Variants in DPYD observed in about 807,000 individuals in gnomAD.
DPYD encodes the protein dihydropyrimidine dehydrogenase, also known as dihydropyrimidine dehydrogenase [NADP(+)].
Under a neutral mutation model 116.2 loss-of-function variants are expected in DPYD, and 109 were observed. The observed-to-expected ratio is 0.94, with a 90% CI of 0.80 to 1.10. The LOEUF (loss-of-function observed/expected upper bound fraction) is 1.10, where lower values mean the gene tolerates loss of function less well. Among genes scored for constraint, DPYD ranks in the 50% least tolerant of loss-of-function variants. The pLI is 0.00. For missense variants in DPYD, 1,302 were observed against 1,254.5 expected (o/e 1.04, Z -0.57); for synonymous variants, 440 against 432.0 (o/e 1.02, Z -0.23).
intron 18 of DPYD, among the ~76,000 whole-genome samples, chr1:97,241,219 A>G (rs1489581452): frequency 6.6e-6 from 1 of 151,892 alleles, no homozygotes; most frequent in Non-Finnish European, 1.5e-5. Flanking sequence ...TCAGGCATTT[A>G]TTTTTACCAA....
intron 3 of DPYD, among the ~76,000 whole-genome samples, chr1:97,754,900 T>C (rs1482982366): frequency 6.6e-6 from 1 of 152,238 alleles, no homozygotes; most frequent in Non-Finnish European, 1.5e-5. Flanking sequence ...ACAATGACGG[T>C]TCAATGTTCA....
chr1:97,608,700 A>G (rs1238120722), intron 8 of DPYD, among the ~76,000 whole-genome samples: 2 of 151,508 alleles, frequency 1.3e-5, no homozygotes, highest in East Asian at 1.9e-4. Flanking sequence ...TAATAATGAA[A>G]ATTATTTTCA....
chr1:97,741,078 C>T (rs1225978041), intron 3 of DPYD, among the ~76,000 whole-genome samples: 2 of 152,056 alleles, frequency 1.3e-5, no homozygotes, highest in Non-Finnish European at 2.9e-5. Flanking sequence ...AGCTTTATTC[C>T]CACAGCTGCC....
chr1:97,913,677 G>A (rs1054985893), intron 1 of DPYD, among the ~76,000 whole-genome samples: 26 of 152,222 alleles, frequency 1.7e-4, no homozygotes, highest in African/African-American at 5.8e-4. Context: ...TTTCATGTCA[G>A]TCTTAAAGAA....
chr1:97,604,332 A>T (rs1000396529), intron 8 of DPYD, among the ~76,000 whole-genome samples: 2 of 152,142 alleles, frequency 1.3e-5, no homozygotes, highest in Non-Finnish European at 1.5e-5. Flanking sequence ...TGTTATGTGG[A>T]CAAGTAAGCA....
chr1:97,796,035 T>C (rs1667552203), intron 3 of DPYD, among the ~76,000 whole-genome samples: 1 of 151,980 alleles, frequency 6.6e-6, no homozygotes, highest in Non-Finnish European at 1.5e-5. Flanking sequence ...CAGCTGAAAA[T>C]TCATTTGTAC....
chr1:97,258,409 T>TC (rs1663654845), intron 18 of DPYD, among the ~76,000 whole-genome samples: 1 of 152,174 alleles, frequency 6.6e-6, no homozygotes, highest in African/African-American at 2.4e-5. Flanking sequence ...CTTAGGCTGC[T>TC]CCCGCCTTCC....
In DPYD at chr1:97,098,480, A is replaced by G. The variant is rs761573540; in HGVS notation, c.2766+9T>C. 3.7e-6 allele frequency: 6 copies of G among 1,612,212 alleles called. No individual in the cohort carries two copies. The highest frequency in any genetic ancestry group is 4.2e-6 in the Non-Finnish European group (5 of 1,178,882). ...GTAGGCATACTTATATAGTTGGCAT[A>G]ATTTTTACCTTGATGGTAGGAATAG... On this transcript the variant is annotated intron_variant, in intron 21 of 22. Coordinates refer to ENST00000370192, the MANE Select transcript of DPYD (RefSeq NM_000110.4).
chr1:97,130,923 TTCTC>T (rs962026378), intron 20 of DPYD, among the ~76,000 whole-genome samples: 7 of 132,532 alleles, frequency 5.3e-5, no homozygotes, highest in East Asian at 2.7e-4. Context: ...CCCTCCCTCT[TTCTC>T]TCTCTCTATC....
rs558191004 is a variant in DPYD at position 97,614,414 on chromosome 1, T to C, written c.851-19248A>G. Reference sequence around the variant, plus strand: ...TGTGAATGATATTTATAAGACTGAGTTGATTTCCCCCACAAGTTTGACAGG... The same window carrying C: ...TGTGAATGATATTTATAAGACTGAGCTGATTTCCCCCACAAGTTTGACAGG... On this transcript the variant is annotated intron_variant, in intron 8 of 22. Coordinates refer to ENST00000370192, the MANE Select transcript of DPYD (RefSeq NM_000110.4). 2.4e-4 allele frequency among the ~76,000 whole-genome samples: 36 copies of C among 152,172 alleles called. No individual in the cohort carries two copies. In the South Asian group the frequency reaches 7.3e-3, roughly 31 times the overall value.
intron 8 of DPYD, among the ~76,000 whole-genome samples, chr1:97,601,044 T>C (rs2102277256): frequency 6.6e-6 from 1 of 152,228 alleles, no homozygotes; most frequent in East Asian, 1.9e-4. Context: ...GTCATTCAAA[T>C]TGGAGCATTA....
At chr1:97,443,616 T>C (rs1206653165) in intron 14 of DPYD, among the ~76,000 whole-genome samples, 1 of 152,172 alleles carries the variant, frequency 6.6e-6, no homozygotes, top group African/African-American at 2.4e-5. Flanking sequence ...AATATCCTCT[T>C]TGGGGTACAA....
chr1:97,813,752 C>T (rs986900735), intron 3 of DPYD, among the ~76,000 whole-genome samples: 2 of 152,104 alleles, frequency 1.3e-5, no homozygotes, highest in East Asian at 3.8e-4. Flanking sequence ...ATTTCCTAGA[C>T]CCCTTGGGAA....
At chr1:97,794,470 A>G (rs1160694973) in intron 3 of DPYD, among the ~76,000 whole-genome samples, 4 of 152,230 alleles carry the variant, frequency 2.6e-5, no homozygotes, top group Admixed American at 6.5e-5. Context: ...ATCATTCACC[A>G]TTATAGAAAA....
chr1:97,522,406 T>C (rs1176484858), intron 12 of DPYD, among the ~76,000 whole-genome samples: 1 of 152,052 alleles, frequency 6.6e-6, no homozygotes, highest in Admixed American at 6.5e-5. Flanking sequence ...CTTAACCAAA[T>C]TATTATCTCC....
chr1:97,867,152 G>C (rs1239130518), intron 2 of DPYD, among the ~76,000 whole-genome samples: 1 of 151,774 alleles, frequency 6.6e-6, no homozygotes, highest in African/African-American at 2.4e-5. Flanking sequence ...GGTCACTTTA[G>C]AGAACCTCCA....
chr1:97,361,288 G>T (rs1032008689), intron 16 of DPYD, among the ~76,000 whole-genome samples: 4 of 152,200 alleles, frequency 2.6e-5, no homozygotes, highest in Non-Finnish European at 5.9e-5. Context: ...CCAATAACAG[G>T]CTCTGAAATT....
intron 20 of DPYD, among the ~76,000 whole-genome samples, chr1:97,164,224 C>T (rs1429035822): frequency 6.6e-6 from 1 of 152,170 alleles, no homozygotes; most frequent in Non-Finnish European, 1.5e-5. Context: ...TAAAATTCTA[C>T]TTCCCTTTAT....
At chr1:97,085,672 T>G (rs1230687970) in intron 21 of DPYD, among the ~76,000 whole-genome samples, 1 of 152,182 alleles carries the variant, frequency 6.6e-6, no homozygotes, top group Admixed American at 6.5e-5. Context: ...ATGAATACCC[T>G]TGAGTAGATG....
Sources: gnomAD v4.1 joint callset for allele counts (sites outside exome capture counted in the v4.1 genomes callset) on GRCh38, gnomAD v4.1.1 for gene constraint, MANE v1.5 for transcripts, NCBI Gene and HGNC (gene_info 2026-07-23, HGNC 2026-07-21) for gene names.